Variants in ARID1B observed in about 807,000 individuals in gnomAD.
The protein encoded by ARID1B is AT-rich interactive domain-containing protein 1B.
A neutral mutation model predicts 212.3 loss-of-function variants in ARID1B; 30 were observed. The observed-to-expected ratio is 0.14, with a 90% CI of 0.11 to 0.19. The LOEUF is 0.19. ARID1B is among the 10% of genes least tolerant of loss of function. ARID1B has a pLI of 1.00. For synonymous variants in ARID1B, 1,402 were observed against 1,301.7 expected (o/e 1.08, Z -1.66); for missense variants, 2,891 against 3,204.0 (o/e 0.90, Z 2.36).
chr6:157,044,620 G>T (rs1004456970), intron 4 of ARID1B, among the ~76,000 whole-genome samples: 2 of 152,188 alleles, frequency 1.3e-5, no homozygotes, highest in Non-Finnish European at 2.9e-5. Context: ...TGTGTTAAAA[G>T]TCCATTTGTT....
intron 8 of ARID1B, among the ~76,000 whole-genome samples, chr6:157,162,465 A>G (rs913108768): frequency 1.3e-5 from 2 of 152,232 alleles, no homozygotes; most frequent in Non-Finnish European, 2.9e-5. Flanking sequence ...AAAGTGAATA[A>G]AAGGAAAAAG....
rs377661002 is a variant in ARID1B at position 157,039,875 on chromosome 6, T to C, written c.2248-44787T>C. Reference sequence around the variant, plus strand: ...CTCTCTCTTTCTCTCTCTTTCTCTTTCTTTTCTCTTCCTTCCTTCCTTCCT... The same window carrying C: ...CTCTCTCTTTCTCTCTCTTTCTCTTCCTTTTCTCTTCCTTCCTTCCTTCCT... On this transcript the variant is annotated intron_variant, in intron 4 of 19. Coordinates refer to ENST00000636930, the MANE Select transcript of ARID1B (RefSeq NM_001374828.1). Among the ~76,000 whole-genome samples the C allele has an allele frequency of 2.5e-3, 270 of 106,416 alleles. 2 individuals are homozygous for C. Among genetic ancestry groups the C allele is most frequent in the Middle Eastern group, 5.4e-3 (1 of 184 alleles). The allele number at this position is 106,416 out of a possible 152,430, so 69.8% of individuals were successfully genotyped here. A position where few individuals can be genotyped will look rare whatever the true frequency, so the allele number is the denominator to read the frequency against.
At position 157,148,510 on chromosome 6, in the gene ARID1B, A is replaced by AG; in HGVS notation, c.2762-114_2762-113insG. On this transcript the variant is annotated intron_variant, in intron 7 of 19. Coordinates refer to ENST00000636930, the MANE Select transcript of ARID1B (RefSeq NM_001374828.1). This position sits in a 1 kb window ranked among gnomAD's most constrained non-coding sequence, Gnocchi z 5.6. ...ACCAGCAGCAACAGGAAGGGCCTAT[A>AG]ACGGTCATGACTAATACTCCGTGCT... is the stretch of plus-strand genomic sequence containing the variant. The AG allele has an allele frequency of 8.5e-7, 1 of 1,178,922 alleles. No homozygotes were observed. Among genetic ancestry groups the AG allele is most frequent in the Non-Finnish European group, 1.2e-6 (1 of 849,226 alleles). The allele number at this position is 1,178,922 out of a possible 1,614,324, so 73.0% of individuals were successfully genotyped here.
intron 4 of ARID1B, among the ~76,000 whole-genome samples, chr6:157,004,990 G>A (rs1779157562): frequency 8.1e-6 from 1 of 124,128 alleles, no homozygotes; most frequent in Admixed American, 1.1e-4. Context: ...CCGACTCACT[G>A]CAACCTCCAC....
At chr6:157,039,446 T>G (rs1386263987) in intron 4 of ARID1B, among the ~76,000 whole-genome samples, 2 of 150,080 alleles carry the variant, frequency 1.3e-5, no homozygotes. Flanking sequence ...TTCTCCTGCC[T>G]CAGCCTCCCG....
At chr6:157,164,260 T>A (rs145374470) in intron 8 of ARID1B, among the ~76,000 whole-genome samples, 4 of 152,214 alleles carry the variant, frequency 2.6e-5, no homozygotes, top group African/African-American at 9.7e-5. Context: ...AACCAGCAAC[T>A]GACATCCAAG....
At position 157,208,963 on chromosome 6, in the gene ARID1B, A is replaced by G. The variant is rs1794649420; in HGVS notation, c.*1072A>G. 8.7e-6 allele frequency: 2 copies of G among 230,400 alleles called. No individual in the cohort carries two copies. The highest frequency in any genetic ancestry group is 1.7e-5 in the Non-Finnish European group (2 of 116,390). The allele number at this position is 230,400 out of a possible 1,614,324, so 14.3% of individuals were successfully genotyped here. On this transcript the variant is annotated 3_prime_UTR_variant, in exon 20 of 20. Coordinates refer to ENST00000636930, the MANE Select transcript of ARID1B (RefSeq NM_001374828.1). ...AGAGCAGCTGATCACAATTTGCTTC[A>G]TGAATCAAGGTGTGGAAATGGTTAT...
chr6:157,120,853 T>G (rs1240722041), intron 6 of ARID1B, among the ~76,000 whole-genome samples: 2 of 152,268 alleles, frequency 1.3e-5, no homozygotes, highest in Non-Finnish European at 2.9e-5. Flanking sequence ...TGTAGTTCTC[T>G]GCTAGCTGAC....
intron 8 of ARID1B, 143 bp downstream of exon 8, chr6:157,149,094 A>AAAAAGATGC: frequency 1.2e-6 from 1 of 830,092 alleles, no homozygotes; most frequent in South Asian, 1.8e-5. Flanking sequence ...TTTGTGTTAA[A>AAAAAGATGC]TATATTCTGT....
intron 4 of ARID1B, among the ~76,000 whole-genome samples, chr6:156,945,072 G>A (rs1188743848): frequency 6.8e-6 from 1 of 147,284 alleles, no homozygotes; most frequent in Non-Finnish European, 1.5e-5. Flanking sequence ...ACAGGCACTT[G>A]CCACCAAGTC....
rs1049541242 is a variant in ARID1B at position 157,208,109 on chromosome 6, G to A, written c.*218G>A. The stretch of plus-strand genomic sequence containing the variant: ...TGTGTGTATAAGTACATCCTTTGGG[G>A]TTTTTTTTTTCTCTTTTTTTTAACC... On this transcript the variant is annotated 3_prime_UTR_variant, in exon 20 of 20. Transcript: ENST00000636930. 2.0e-5 allele frequency: 9 copies of A among 446,460 alleles called. No homozygotes were observed. The highest frequency in any genetic ancestry group is 1.2e-4 in the African/African-American group (6 of 48,240). 27.7% of individuals were successfully genotyped at this position (446,460 alleles called of 1,614,324 possible). A position where few individuals can be genotyped will look rare whatever the true frequency, so the allele number is the denominator to read the frequency against.
intron 2 of ARID1B, among the ~76,000 whole-genome samples, chr6:156,835,084 C>G (rs1021493435): frequency 6.6e-6 from 1 of 151,684 alleles, no homozygotes; most frequent in Admixed American, 6.6e-5. Context: ...TAAAAAAATA[C>G]AAAAAAATTA....
intron 1 of ARID1B, among the ~76,000 whole-genome samples, chr6:156,799,946 G>A (rs1250403335): frequency 6.6e-6 from 1 of 152,042 alleles, no homozygotes; most frequent in Non-Finnish European, 1.5e-5. Context: ...TCTTGTTTTC[G>A]GGGTCCTAGG....
intron 3 of ARID1B, among the ~76,000 whole-genome samples, chr6:156,932,994 T>G (rs930593305): frequency 2.6e-5 from 4 of 152,210 alleles, no homozygotes; most frequent in African/African-American, 4.8e-5. Flanking sequence ...TTTTAAAGCC[T>G]TAAAGAGTGA....
intron 15 of ARID1B, among the ~76,000 whole-genome samples, chr6:157,191,494 T>G (rs540071159): frequency 3.9e-5 from 6 of 152,126 alleles, no homozygotes; most frequent in Non-Finnish European, 7.4e-5. Flanking sequence ...AGAAATGGCA[T>G]CTGCAGTGAT....
intron 2 of ARID1B, among the ~76,000 whole-genome samples, chr6:156,844,185 G>T (rs560091131): frequency 2.0e-4 from 31 of 152,292 alleles, no homozygotes; most frequent in African/African-American, 7.0e-4. Flanking sequence ...CTGCTTTGGT[G>T]CTTCGATGGA....
intron 3 of ARID1B, among the ~76,000 whole-genome samples, chr6:156,911,451 T>C (rs558073014): frequency 6.7e-6 from 1 of 148,690 alleles, no homozygotes; most frequent in Non-Finnish European, 1.5e-5. Flanking sequence ...CTCTTACACA[T>C]TGCAGGATAA....
chr6:157,050,415 G>A (rs1034417496), intron 4 of ARID1B, among the ~76,000 whole-genome samples: 3 of 152,082 alleles, frequency 2.0e-5, no homozygotes, highest in Non-Finnish European at 2.9e-5. Flanking sequence ...GTGGTGGTGC[G>A]TGACTGTAAT....
chr6:156,940,448 A>G (rs1792581915), intron 4 of ARID1B: 1 of 152,222 alleles, frequency 6.6e-6, no homozygotes, highest in African/African-American at 2.4e-5. Context: ...TAGATAAAAC[A>G]TATGTTTTTT....
Sources: allele counts gnomAD v4.1 joint callset (sites outside exome capture counted in the v4.1 genomes callset), GRCh38; gene constraint gnomAD v4.1.1; non-coding constraint Gnocchi (gnomAD v3.1); transcripts MANE v1.5; gene names NCBI Gene and HGNC (gene_info 2026-07-23, HGNC 2026-07-21).